KDM1B: variants seen among roughly 807,000 people sequenced by gnomAD.
KDM1B encodes the protein lysine-specific histone demethylase 2.
KDM1B carries 63 observed loss-of-function variants against 107.4 expected under a neutral mutation model. That is an observed-to-expected ratio of 0.59 (90% CI 0.48 to 0.72). The LOEUF is 0.72. Ranked by LOEUF, KDM1B falls within the 30% of genes least tolerant of loss-of-function variation. The pLI is 0.00. For missense variants in KDM1B, 749 were observed against 1,020.8 expected, an observed-to-expected ratio of 0.73 and a Z score of 3.63; for synonymous variants, 363 against 363.9, an observed-to-expected ratio of 1.00 and a Z score of 0.03.
chr6:18,221,831 A>G (rs893360832), intron 21 of KDM1B, 78 bp from the exon 22 acceptor site: 3 of 1,135,980 alleles, frequency 2.6e-6, no homozygotes, highest in African/African-American at 1.6e-5. Flanking sequence ...TAGACCAGAT[A>G]AAGTCTAACC....
At chr6:18,163,039 T>G in intron 5 of KDM1B, 115 bp downstream of exon 5, 1 of 663,584 alleles carries the variant, frequency 1.5e-6, no homozygotes, top group South Asian at 1.8e-5. Context: ...TTCAGCTCTT[T>G]CAGCCATGCC....
In KDM1B at chr6:18,197,500, C is replaced by T. The variant is rs981849866; in HGVS notation, c.1147-87C>T. The T allele has an allele frequency of 2.0e-5, 21 of 1,039,834 alleles. No homozygotes were observed. The highest frequency in any genetic ancestry group is 7.9e-5 in the African/African-American group (5 of 63,258). 64.4% of individuals were successfully genotyped at this position (1,039,834 alleles called of 1,614,324 possible). On this transcript the variant is annotated intron_variant, in intron 11 of 21. Transcript: ENST00000650836. This position sits in a 1 kb window ranked among gnomAD's most constrained non-coding sequence, Gnocchi z 4.5. ...AGGACATCAAAGAAATGTAAATGAA[C>T]GAATTTGCTCTGCAGTTCCGGAACA...
chr6:18,165,203 G>A (rs903341325), intron 5 of KDM1B, among the ~76,000 whole-genome samples: 1 of 121,338 alleles, frequency 8.2e-6, no homozygotes, highest in Admixed American at 1.1e-4. Context: ...GCGTAATCTC[G>A]GCTCACTGCA....
At position 18,205,906 on chromosome 6, in the gene KDM1B, C is replaced by T. The variant is rs914067442; in HGVS notation, c.1659+242C>T. Among the ~76,000 whole-genome samples the T allele has an allele frequency of 2.6e-5, 4 of 151,858 alleles. No individual in the cohort carries two copies. The highest frequency in any genetic ancestry group is 9.7e-5 in the African/African-American group (4 of 41,318). On this transcript the variant is annotated intron_variant, in intron 15 of 21. Transcript: ENST00000650836. This position sits in a 1 kb window ranked among gnomAD's most constrained non-coding sequence, Gnocchi z 5.7. The stretch of plus-strand genomic sequence containing the variant: ...ACTCGGGAGGCTGAGGCAGGGGAAT[C>T]GCTTGAACCTGGGAGGCGGAAGTCG...
In KDM1B at chr6:18,197,746, A is replaced by G. The variant is rs890607398; in HGVS notation, c.1221+85A>G. ...TTCTAAGATTTAGAAACCAGTTCCT[A>G]TTTTTAGTGAAGAATACTAAATACA... is the stretch of plus-strand genomic sequence containing the variant. On this transcript the variant is annotated intron_variant, in intron 12 of 21. Transcript: ENST00000650836. This position sits in a 1 kb window ranked among gnomAD's most constrained non-coding sequence, Gnocchi z 4.5. 2.7e-5 allele frequency: 24 copies of G among 893,350 alleles called. No individual in the cohort carries two copies. Among genetic ancestry groups the G allele is most frequent in the Admixed American group, 1.5e-4 (6 of 40,064 alleles). The allele number at this position is 893,350 out of a possible 1,614,324, so 55.3% of individuals were successfully genotyped here.
chr6:18,204,361 G>A lies in KDM1B; in HGVS notation c.1532-1176G>A, dbSNP rs566991435. Among the ~76,000 whole-genome samples, 1 of 152,164 alleles carries A rather than the reference G, an allele frequency of 6.6e-6. No homozygotes were observed. Among genetic ancestry groups the A allele is most frequent in the East Asian group, 1.9e-4 (1 of 5,178 alleles). On this transcript the variant is annotated intron_variant, in intron 14 of 21. Coordinates refer to ENST00000650836, the MANE Select transcript of KDM1B (RefSeq NM_001364614.2). The surrounding 1 kb of genome is among the most constrained non-coding windows in gnomAD (Gnocchi z 4.9). ...TAGCTGGGCATAGAGGCGGGCGCCT[G>A]TAGTCCCAGCTACTTGGGAGGCCGA... is the stretch of plus-strand genomic sequence containing the variant.
In KDM1B at chr6:18,191,383, T is replaced by C; in HGVS notation, c.969+2T>C. 6.4e-7 allele frequency: 1 copy of C among 1,550,460 alleles called. No individual in the cohort carries two copies. ...GCACTGTGGTATACTAACTGCAAAG[T>C]AAGTAAGGGCATGTTAGCCAATAGC... On this transcript the variant is annotated splice_donor_variant, in intron 10 of 21. Coordinates refer to ENST00000650836, the MANE Select transcript of KDM1B (RefSeq NM_001364614.2). LOFTEE classifies it high-confidence loss of function. This position sits in a 1 kb window ranked among gnomAD's most constrained non-coding sequence, Gnocchi z 5.1.
chr6:18,205,437 T>G lies in KDM1B; in HGVS notation c.1532-100T>G. 1.7e-6 allele frequency: 2 copies of G among 1,150,378 alleles called. No homozygotes were observed. Among genetic ancestry groups the G allele is most frequent in the Non-Finnish European group, 1.2e-6 (1 of 830,008 alleles). The allele number at this position is 1,150,378 out of a possible 1,614,324, so 71.3% of individuals were successfully genotyped here. A position where few individuals can be genotyped will look rare whatever the true frequency, so the allele number is the denominator to read the frequency against. On this transcript the variant is annotated intron_variant, in intron 14 of 21. Transcript: ENST00000650836. The surrounding 1 kb of genome is among the most constrained non-coding windows in gnomAD (Gnocchi z 5.7). Reference sequence around the variant, plus strand: ...TTACTTGGGAAAAGACTTTGGAAGTTTTGGGTGTTGCTGGGTGACAGAGGT... The same window carrying G: ...TTACTTGGGAAAAGACTTTGGAAGTGTTGGGTGTTGCTGGGTGACAGAGGT...
intron 7 of KDM1B, among the ~76,000 whole-genome samples, chr6:18,183,324 A>G (rs1457166889): frequency 2.3e-5 from 3 of 129,520 alleles, no homozygotes; most frequent in Non-Finnish European, 4.6e-5. Context: ...CTGGAGTGCA[A>G]TGGCGCAGTC....
intron 6 of KDM1B, among the ~76,000 whole-genome samples, chr6:18,168,746 T>C (rs1010035018): frequency 2.0e-5 from 3 of 152,234 alleles, no homozygotes; most frequent in Non-Finnish European, 2.9e-5. Flanking sequence ...TTCCACGGGT[T>C]TGAAGTGGTA....
intron 10 of KDM1B, among the ~76,000 whole-genome samples, chr6:18,192,872 A>G (rs1487172798): frequency 1.3e-5 from 2 of 151,682 alleles, no homozygotes; most frequent in Admixed American, 6.6e-5. Context: ...ACCTGGATCT[A>G]TTTTAGTTTT....
chr6:18,210,004 T>C (rs1414860394), intron 17 of KDM1B, among the ~76,000 whole-genome samples: 2 of 152,230 alleles, frequency 1.3e-5, no homozygotes, highest in Non-Finnish European at 2.9e-5. Context: ...CCTGCTTTGT[T>C]ACTCTCTGCC....
At chr6:18,174,420 A>G (rs1320736272) in intron 7 of KDM1B, among the ~76,000 whole-genome samples, 1 of 152,142 alleles carries the variant, frequency 6.6e-6, no homozygotes, top group East Asian at 1.9e-4. Context: ...GGGGTTGGTA[A>G]ATGATGGCTC....
At chr6:18,156,288 G>GA (rs1784604550) in intron 2 of KDM1B, among the ~76,000 whole-genome samples, 1 of 152,174 alleles carries the variant, frequency 6.6e-6, no homozygotes, top group African/African-American at 2.4e-5. Context: ...GCTGACAGGT[G>GA]AAAGAGGAAG....
Position 18,222,036 on chromosome 6 carries a change from A to AT in KDM1B, c.*47dup. The stretch of plus-strand genomic sequence containing the variant: ...TTTCTTCTGTACCCCAGATGGGGAA[A>AT]TTTGAATCACATGTTAAACCTCAGT... On this transcript the variant is annotated 3_prime_UTR_variant, in exon 22 of 22. Coordinates refer to ENST00000650836, the MANE Select transcript of KDM1B (RefSeq NM_001364614.2). 1 of 1,547,012 alleles carries AT rather than the reference A, an allele frequency of 6.5e-7. No individual in the cohort carries two copies.
Position 18,162,955 on chromosome 6 carries a change from G to T in KDM1B, c.305+31G>T. 1 of 1,378,730 alleles carries T rather than the reference G, an allele frequency of 7.3e-7. No individual in the cohort carries two copies. The highest frequency in any genetic ancestry group is 1.0e-6 in the Non-Finnish European group (1 of 965,272). 85.4% of individuals were successfully genotyped at this position (1,378,730 alleles called of 1,614,324 possible). ...TTCACTAATTGTGTGAGGTTTCCCTGGAGAAGGGGACCGTGGCAGGGGCAG... is the reference window on the plus strand; with the variant it reads ...TTCACTAATTGTGTGAGGTTTCCCTTGAGAAGGGGACCGTGGCAGGGGCAG... On this transcript the variant is annotated intron_variant, in intron 5 of 21. Transcript: ENST00000650836. The surrounding 1 kb of genome is among the most constrained non-coding windows in gnomAD (Gnocchi z 4.1).
At chr6:18,165,670 A>G (rs938711501) in intron 5 of KDM1B, among the ~76,000 whole-genome samples, 5 of 152,114 alleles carry the variant, frequency 3.3e-5, no homozygotes, top group Non-Finnish European at 7.4e-5. Flanking sequence ...TAAAAATACA[A>G]AAGTTAGCCA....
In KDM1B at chr6:18,205,232, A is replaced by T. The variant is rs1172154304; in HGVS notation, c.1532-305A>T. 6.6e-6 allele frequency among the ~76,000 whole-genome samples: 1 copy of T among 152,172 alleles called. No individual in the cohort carries two copies. The highest frequency in any genetic ancestry group is 1.5e-5 in the Non-Finnish European group (1 of 68,034). ...TGTATCTTGAGCAAAAGAGGAAACC[A>T]CTTCTCAACGAAGCGAAATTGAGAC... On this transcript the variant is annotated intron_variant, in intron 14 of 21. Transcript: ENST00000650836. This position sits in a 1 kb window ranked among gnomAD's most constrained non-coding sequence, Gnocchi z 5.7.
rs569387611 is a variant in KDM1B at position 18,172,188 on chromosome 6, T to A, written c.534+709T>A. On this transcript the variant is annotated intron_variant, in intron 7 of 21. Transcript: ENST00000650836. This position sits in a 1 kb window ranked among gnomAD's most constrained non-coding sequence, Gnocchi z 5.2. ...AATTAGGAATCGGCCATCGTTGTTA[T>A]AATGTGCCTTTTTTGAAATTTGGCA... is the stretch of plus-strand genomic sequence containing the variant. 1.3e-5 allele frequency among the ~76,000 whole-genome samples: 2 copies of A among 152,332 alleles called. No homozygotes were observed. The highest frequency in any genetic ancestry group is 3.9e-4 in the East Asian group (2 of 5,186).
Sources: allele counts gnomAD v4.1 joint callset (sites outside exome capture counted in the v4.1 genomes callset), GRCh38; gene constraint gnomAD v4.1.1; non-coding constraint Gnocchi (gnomAD v3.1); transcripts MANE v1.5; gene names NCBI Gene and HGNC (gene_info 2026-07-23, HGNC 2026-07-21).